TNS2: variants seen among roughly 807,000 people sequenced by gnomAD.
The protein encoded by TNS2 is tensin-2.
A neutral mutation model predicts 155.7 loss-of-function variants in TNS2; 77 were observed. That is an observed-to-expected ratio of 0.49 (90% CI 0.41 to 0.60). The LOEUF (loss-of-function observed/expected upper bound fraction) is 0.60, where lower values mean the gene tolerates loss of function less well. Among genes scored for constraint, TNS2 ranks in the 20% least tolerant of loss-of-function variants. TNS2 has a pLI of 0.00. For synonymous variants in TNS2, 726 were observed against 763.9 expected, an observed-to-expected ratio of 0.95 and a Z score of 0.82; for missense variants, 1,703 against 1,868.8, an observed-to-expected ratio of 0.91 and a Z score of 1.64.
Position 53,063,718 on chromosome 12 carries a change from C to T in TNS2, c.4092-26C>T. 6.2e-7 allele frequency: 1 copy of T among 1,613,770 alleles called. No individual in the cohort carries two copies. ...TTCCCTTGTGGAAGGAATGTTAAGC[C>T]CCTTCCCCACCCTTTATCCCCCTAG... On this transcript the variant is annotated intron_variant, in intron 28 of 28. Transcript: ENST00000314250. The surrounding 1 kb of genome is among the most constrained non-coding windows in gnomAD (Gnocchi z 5.6).
At position 53,060,120 on chromosome 12, in the gene TNS2, C is replaced by G. The variant is rs370495406; in HGVS notation, c.2479C>G (p.Arg827Gly). The change falls in exon 18 of 29, where the codon CGG (arginine) becomes GGG (glycine). Residue 827 changes from arginine (R) to glycine (G), a missense_variant. Coordinates refer to ENST00000314250, the MANE Select transcript of TNS2 (RefSeq NM_170754.4). This position sits in a 1 kb window ranked among gnomAD's most constrained non-coding sequence, Gnocchi z 6.1. ...GYPSPGAHSP[R>G]AGSISPGSPP... ...TCCCAGCCCTGGTGCCCACTCCCCA[C>G]GGGCTGGCTCCATTTCCCCGGGCAG... The G allele has an allele frequency of 1.9e-6, 3 of 1,610,534 alleles. No individual in the cohort carries two copies. In the Admixed American group the frequency reaches 5.0e-5, roughly 27 times the overall value.
rs1483160040 is a variant in TNS2, at chr12:53,063,896, G to A, written c.*14G>A. 1.9e-5 allele frequency: 31 copies of A among 1,613,318 alleles called. No homozygotes were observed. The highest frequency in any genetic ancestry group is 2.5e-5 in the Non-Finnish European group (30 of 1,179,692). ...CAGAGAAAATGAAGGAAGGCCACAA[G>A]CTCAGAGCCCACATCAACACTGCCC... On this transcript the variant is annotated 3_prime_UTR_variant, in exon 29 of 29. Coordinates refer to ENST00000314250, the MANE Select transcript of TNS2 (RefSeq NM_170754.4). The surrounding 1 kb of genome is among the most constrained non-coding windows in gnomAD (Gnocchi z 5.6).
At chr12:53,056,890 A>T in intron 10 of TNS2, 123 bp from the exon 11 acceptor site, 1 of 876,346 alleles carries the variant, frequency 1.1e-6, no homozygotes, top group Non-Finnish European at 1.8e-6. Flanking sequence ...TCTCATTACC[A>T]CTACTCTGGG....
rs765810482 is a variant in TNS2, at chr12:53,059,755, A to G, written c.2114A>G (p.Tyr705Cys). 6.2e-7 allele frequency: 1 copy of G among 1,612,756 alleles called. No individual in the cohort carries two copies. ...EKLALPTAALYGLRLEREAGE... is the reference protein window; with the variant it reads ...EKLALPTAALCGLRLEREAGE... ...CTGGCGCTGCCTACAGCAGCCTTGT[A>G]TGGACTGCGGCTGGAGAGGGAGGCT... The change falls in exon 18 of 29, where the codon TAT (tyrosine) becomes TGT (cysteine). Residue 705 changes from tyrosine (Y) to cysteine (C), a missense_variant. By Grantham distance (194) the Tyr-to-Cys change is radical. Coordinates refer to ENST00000314250, the MANE Select transcript of TNS2 (RefSeq NM_170754.4). The surrounding 1 kb of genome is among the most constrained non-coding windows in gnomAD (Gnocchi z 4.7).
chr12:53,060,775 G>T lies in TNS2; in HGVS notation c.2869G>T (p.Ala957Ser). 4 of 1,612,142 alleles carry T rather than the reference G, an allele frequency of 2.5e-6. No individual in the cohort carries two copies. The highest frequency in any genetic ancestry group is 2.5e-6 in the Non-Finnish European group (3 of 1,179,038). Residue 957 changes from alanine (A) to serine (S), a missense_variant, in exon 20 of 29, where the codon GCC becomes TCC. Coordinates refer to ENST00000314250, the MANE Select transcript of TNS2 (RefSeq NM_170754.4). This position sits in a 1 kb window ranked among gnomAD's most constrained non-coding sequence, Gnocchi z 6.1. ...TGTTTCCCAGGCAGGCACCGGAAAG[G>T]CCCCTGAGCTGCCGTCGGGAAGTGG... ...PPVSQAGTGK[A>S]PELPSGSGPE...
In TNS2 at chr12:53,058,046, C is replaced by T. The variant is rs985689155; in HGVS notation, c.1039C>T (p.Pro347Ser). 1.9e-6 allele frequency: 3 copies of T among 1,614,140 alleles called. No individual in the cohort carries two copies. The highest frequency in any genetic ancestry group is 2.5e-6 in the Non-Finnish European group (3 of 1,180,030). Residue 347 changes from proline (P) to serine (S), a missense_variant, in exon 14 of 29, where the codon CCC becomes TCC. By Grantham distance (74) the Pro-to-Ser change is moderately conservative. Transcript: ENST00000314250. ...CCACAGTCACATTGCAGGCCCTGGT[C>T]CCCAGCAGCTTTGCATCAGCCTGGA... ...SGVYHIAGPG[P>S]QQLCISLEPA...
intron 16 of TNS2, 23 bp downstream of exon 16, chr12:53,058,660 G>C (rs1290766639): frequency 6.2e-7 from 1 of 1,613,970 alleles, no homozygotes; most frequent in East Asian, 2.2e-5. Flanking sequence ...ACATGGGCTG[G>C]GGACTGAGGG....
chr12:53,048,308 T>G (rs1200517617), upstream of TNS2, among the ~76,000 whole-genome samples: 1 of 151,922 alleles, frequency 6.6e-6, no homozygotes, highest in Non-Finnish European at 1.5e-5. Context: ...CCAGTGAAGG[T>G]GAGAGGATGT....
upstream of TNS2, chr12:53,049,344 G>A: frequency 9.6e-7 from 1 of 1,039,846 alleles, no homozygotes; most frequent in Non-Finnish European, 1.4e-6. Context: ...AGGGATCTGT[G>A]AGATCATGTC....
rs1944318005 is a variant in TNS2, at chr12:53,059,910, C to T, written c.2269C>T (p.Pro757Ser). The change falls in exon 18 of 29, where the codon CCA becomes TCA. Residue 757 changes from proline (P) to serine (S), a missense_variant. Coordinates refer to ENST00000314250, the MANE Select transcript of TNS2 (RefSeq NM_170754.4). This position sits in a 1 kb window ranked among gnomAD's most constrained non-coding sequence, Gnocchi z 4.7. ...GATGCCTGACTACAGCTGCCTGAAG[C>T]CACCCAAGGCAGGCGAGGAAGGGCA... Reference protein sequence around the residue: ...APMPDYSCLKPPKAGEEGHEG... With the variant: ...APMPDYSCLKSPKAGEEGHEG... 1.2e-6 allele frequency: 2 copies of T among 1,611,486 alleles called. No homozygotes were observed. Among genetic ancestry groups the T allele is most frequent in the Non-Finnish European group, 8.5e-7 (1 of 1,178,842 alleles).
chr12:53,053,487 A>G (rs1944017980), intron 4 of TNS2, 38 bp downstream of exon 4: 1 of 1,612,970 alleles, frequency 6.2e-7, no homozygotes, highest in Non-Finnish European at 8.5e-7. Context: ...AGGGCAAGGA[A>G]CCTGGCCATG....
rs199604341 is a variant in TNS2, at chr12:53,053,441, G to A, written c.253G>A (p.Val85Met). 22 of 1,613,926 alleles carry A rather than the reference G, an allele frequency of 1.4e-5. No individual in the cohort carries two copies. The highest frequency in any genetic ancestry group is 6.7e-5 in the Admixed American group (4 of 59,996). The change falls in exon 4 of 29, where the codon GTG becomes ATG. Residue 85 changes from valine to methionine, a missense_variant. Coordinates refer to ENST00000314250, the MANE Select transcript of TNS2 (RefSeq NM_170754.4). The stretch of plus-strand genomic sequence containing the variant: ...TTCAGCCTGTCAGGCCTTGCCTCCC[G>A]TGGAGTTGGTGAGTGCGCTCTGGGA... ...VTSACQALPP[V>M]ELRRNTAPVR...
At chr12:53,055,369 T>C (rs968317483) in intron 8 of TNS2, 133 bp downstream of exon 8, 1 of 1,183,704 alleles carries the variant, frequency 8.4e-7, no homozygotes, top group East Asian at 2.4e-5. Flanking sequence ...TCCCATGATA[T>C]ATTACTGGAG....
chr12:53,049,238 G>A (rs747160053), upstream of TNS2: 4 of 1,607,390 alleles, frequency 2.5e-6, no homozygotes, highest in African/African-American at 1.3e-5. Flanking sequence ...AGACCCAGGA[G>A]AGCCATGAAG....
At position 53,060,174 on chromosome 12, in the gene TNS2, A is replaced by C; in HGVS notation, c.2533A>C (p.Ser845Arg). 6.2e-7 allele frequency: 1 copy of C among 1,604,430 alleles called. No homozygotes were observed. The highest frequency in any genetic ancestry group is 8.5e-7 in the Non-Finnish European group (1 of 1,175,090). The change falls in exon 18 of 29, where the codon AGC becomes CGC. Residue 845 changes from serine (S) to arginine (R), a missense_variant. Coordinates refer to ENST00000314250, the MANE Select transcript of TNS2 (RefSeq NM_170754.4). This position sits in a 1 kb window ranked among gnomAD's most constrained non-coding sequence, Gnocchi z 6.1. ...GCCCTATCCACAATCTAGGAAGCTG[A>C]GCTACGAGATCCCTACGGAGGAGGG... ...SPPYPQSRKL[S>R]YEIPTEEGGD...
Position 53,050,453 on chromosome 12 carries a change from G to A in TNS2, c.75+193G>A, listed in dbSNP as rs1445089200. On this transcript the variant is annotated intron_variant, in intron 1 of 28. Coordinates refer to ENST00000314250, the MANE Select transcript of TNS2 (RefSeq NM_170754.4). The surrounding 1 kb of genome is among the most constrained non-coding windows in gnomAD (Gnocchi z 4.7). ...TGTTTGGGTTAGAGTAGGTCCTGCT[G>A]TCTGTTTTGGCTCCTCTCACCTTCC... Among the ~76,000 whole-genome samples the A allele has an allele frequency of 1.3e-5, 2 of 152,102 alleles. No individual in the cohort carries two copies. The highest frequency in any genetic ancestry group is 2.9e-5 in the Non-Finnish European group (2 of 68,014).
chr12:53,057,215 C>A, intron 11 of TNS2, 119 bp downstream of exon 11: 1 of 1,132,742 alleles, frequency 8.8e-7, no homozygotes, highest in Non-Finnish European at 1.3e-6. Context: ...GTGCCAGGTG[C>A]TGAGAATTCA....
rs763199154 is a variant in TNS2 at position 53,055,676 on chromosome 12, G to T, written c.682G>T (p.Val228Leu). ...CAGTGCTGACCCACAGCACGTGGTC[G>T]TACTATACTGCAAGGTGGGCCAGGA... Reference protein sequence around the residue: ...WLSADPQHVVVLYCKGNKGKL... With the variant: ...WLSADPQHVVLLYCKGNKGKL... The change falls in exon 9 of 29, where the codon GTA becomes TTA. Residue 228 changes from valine (V) to leucine (L), a missense_variant. Val to Leu is a conservative substitution (Grantham distance 32, BLOSUM62 1). Coordinates refer to ENST00000314250, the MANE Select transcript of TNS2 (RefSeq NM_170754.4). 5 of 1,614,072 alleles carry T rather than the reference G, an allele frequency of 3.1e-6. No homozygotes were observed. Among genetic ancestry groups the T allele is most frequent in the Non-Finnish European group, 4.2e-6 (5 of 1,180,054 alleles).
Position 53,057,941 on chromosome 12 carries a change from T to C in TNS2, c.1020-86T>C, listed in dbSNP as rs1420641431. The stretch of plus-strand genomic sequence containing the variant: ...AGACACCTGGGCAGGGCTCAGACTC[T>C]GGTCTCCTGGCTCCCCCTGACTGCA... On this transcript the variant is annotated intron_variant, in intron 13 of 28. Transcript: ENST00000314250. 3 of 1,608,224 alleles carry C rather than the reference T, an allele frequency of 1.9e-6. No individual in the cohort carries two copies. In the African/African-American group the frequency reaches 4.0e-5, roughly 22 times the overall value.
Sources: gnomAD v4.1 joint callset for allele counts (sites outside exome capture counted in the v4.1 genomes callset) on GRCh38, gnomAD v4.1.1 for gene constraint, Gnocchi (gnomAD v3.1) non-coding constraint, MANE v1.5 for transcripts, NCBI Gene and HGNC (gene_info 2026-07-23, HGNC 2026-07-21) for gene names.